The following ADAMTS18 variants were observed in gnomAD, a reference collection of about 807,000 sequenced individuals.
The protein encoded by ADAMTS18 is A disintegrin and metalloproteinase with thrombospondin motifs 18.
Under a neutral mutation model 165.9 loss-of-function variants are expected in ADAMTS18, and 157 were observed. The ratio of observed to expected loss-of-function variants is 0.95; its 90% CI spans 0.83 to 1.08. ADAMTS18 has a LOEUF of 1.08. Ranked by LOEUF, ADAMTS18 falls within the 50% of genes least tolerant of loss-of-function variation. ADAMTS18 has a pLI of 0.00. For missense variants in ADAMTS18, 2,040 were observed against 1,534.0 expected, an observed-to-expected ratio of 1.33 and a Z score of -5.51; for synonymous variants, 782 against 578.2, an observed-to-expected ratio of 1.35 and a Z score of -5.06.
chr16:77,369,386 T>TA (rs2056844572), intron 3 of ADAMTS18, among the ~76,000 whole-genome samples: 1 of 152,224 alleles, frequency 6.6e-6, no homozygotes, highest in Non-Finnish European at 1.5e-5. Context: ...AATTTTGGGT[T>TA]TAGTTTGTTG....
At chr16:77,355,658 A>G (rs1432353408) in intron 9 of ADAMTS18, among the ~76,000 whole-genome samples, 1 of 152,170 alleles carries the variant, frequency 6.6e-6, no homozygotes, top group Non-Finnish European at 1.5e-5. Context: ...TATGCAACAC[A>G]ATTAACCTAA....
chr16:77,410,962 C>T (rs1280405181), intron 3 of ADAMTS18, among the ~76,000 whole-genome samples: 1 of 152,190 alleles, frequency 6.6e-6, no homozygotes, highest in East Asian at 1.9e-4. Flanking sequence ...TGTTTATTCA[C>T]TAGTTTTGGA....
At chr16:77,334,289 T>C (rs62652210) in intron 12 of ADAMTS18, among the ~76,000 whole-genome samples, 608 of 48,676 alleles carry the variant, frequency 0.012, 88 homozygotes, top group Middle Eastern at 0.043. Flanking sequence ...ATATAATATA[T>C]AGTATATATG....
At chr16:77,335,046 A>T (rs1024353242) in intron 12 of ADAMTS18, among the ~76,000 whole-genome samples, 3 of 146,322 alleles carry the variant, frequency 2.1e-5, no homozygotes, top group African/African-American at 5.0e-5. Context: ...AATAGTAATT[A>T]TATATAATGT....
At chr16:77,287,909 A>G (rs1414414337) in intron 22 of ADAMTS18, among the ~76,000 whole-genome samples, 2 of 152,160 alleles carry the variant, frequency 1.3e-5, no homozygotes, top group Non-Finnish European at 1.5e-5. Flanking sequence ...TCTTTTAAGA[A>G]CAGGACCTTT....
chr16:77,297,916 C>CT (rs34422251), intron 17 of ADAMTS18, among the ~76,000 whole-genome samples: 5,691 of 61,586 alleles, frequency 0.092, 1,294 homozygotes, highest in African/African-American at 0.17. Context: ...TCTGCTTTTG[C>CT]TTTTTTTTTT....
intron 10 of ADAMTS18, among the ~76,000 whole-genome samples, chr16:77,348,924 A>G (rs1264583100): frequency 6.6e-6 from 1 of 152,220 alleles, no homozygotes; most frequent in Non-Finnish European, 1.5e-5. Flanking sequence ...GCATACTAGA[A>G]TAACAAACAT....
chr16:77,323,168 G>C (rs1234154076), intron 13 of ADAMTS18, among the ~76,000 whole-genome samples: 3 of 152,118 alleles, frequency 2.0e-5, no homozygotes, highest in African/African-American at 7.2e-5. Context: ...TCAGAAAGGA[G>C]TTCCTATGCC....
intron 10 of ADAMTS18, among the ~76,000 whole-genome samples, chr16:77,353,337 C>T (rs2056583261): frequency 6.6e-6 from 1 of 152,030 alleles, no homozygotes; most frequent in Non-Finnish European, 1.5e-5. Flanking sequence ...TAATAGTTAT[C>T]CCATATTATA....
At chr16:77,381,687 A>G (rs2057033065) in intron 3 of ADAMTS18, among the ~76,000 whole-genome samples, 1 of 152,170 alleles carries the variant, frequency 6.6e-6, no homozygotes. Context: ...CTGTAATCCC[A>G]GCTACTCAGG....
intron 16 of ADAMTS18, among the ~76,000 whole-genome samples, chr16:77,304,409 T>C (rs1268570058): frequency 6.6e-6 from 1 of 152,034 alleles, no homozygotes; most frequent in Non-Finnish European, 1.5e-5. Flanking sequence ...TGCAGTGAGC[T>C]ATAGTCACAC....
At chr16:77,315,314 C>T (rs765464037) in intron 16 of ADAMTS18, among the ~76,000 whole-genome samples, 13 of 152,110 alleles carry the variant, frequency 8.5e-5, no homozygotes, top group Non-Finnish European at 1.9e-4. Flanking sequence ...CAAATGTCAT[C>T]AAGGGAATAA....
At chr16:77,360,151 C>T (rs1045873562) in intron 7 of ADAMTS18, among the ~76,000 whole-genome samples, 1 of 152,172 alleles carries the variant, frequency 6.6e-6, no homozygotes, top group Non-Finnish European at 1.5e-5. Flanking sequence ...ATGGATTGTA[C>T]CCACTTCATT....
chr16:77,372,746 C>T (rs1173275598), intron 3 of ADAMTS18, among the ~76,000 whole-genome samples: 1 of 152,074 alleles, frequency 6.6e-6, no homozygotes, highest in Non-Finnish European at 1.5e-5. Flanking sequence ...TCAGAGAAGC[C>T]CACCCTTCCA....
rs1409453034 is a variant in ADAMTS18, at chr16:77,399,515, T to C, written c.495+31780A>G. On this transcript the variant is annotated intron_variant, in intron 3 of 22. Coordinates refer to ENST00000282849, the MANE Select transcript of ADAMTS18 (RefSeq NM_199355.4). ...CCCTACCCTAGAAGATAAAACTAAG[T>C]GATGTCTTTTGTTTCTTTTCATTAA... Among the ~76,000 whole-genome samples the C allele has an allele frequency of 2.0e-5, 3 of 152,202 alleles. No individual in the cohort carries two copies. In the East Asian group the frequency reaches 5.8e-4, roughly 29 times the overall value.
chr16:77,382,072 G>C (rs1004075619), intron 3 of ADAMTS18, among the ~76,000 whole-genome samples: 1 of 152,102 alleles, frequency 6.6e-6, no homozygotes, highest in Non-Finnish European at 1.5e-5. Flanking sequence ...CCTTGCAACA[G>C]CCGCGCCACA....
At chr16:77,285,315 G>T (rs2055227267) in intron 22 of ADAMTS18, among the ~76,000 whole-genome samples, 1 of 152,142 alleles carries the variant, frequency 6.6e-6, no homozygotes, top group African/African-American at 2.4e-5. Context: ...TGGGATTACA[G>T]GCACCCACCA....
intron 14 of ADAMTS18, among the ~76,000 whole-genome samples, chr16:77,321,891 C>T (rs2056005463): frequency 6.6e-6 from 1 of 151,942 alleles, no homozygotes; most frequent in South Asian, 2.1e-4. Flanking sequence ...CGTGGTGGCT[C>T]ACGCCTATAA....
intron 16 of ADAMTS18, among the ~76,000 whole-genome samples, chr16:77,306,898 A>G (rs2055692100): frequency 6.6e-6 from 1 of 152,162 alleles, no homozygotes; most frequent in African/African-American, 2.4e-5. Flanking sequence ...CTAAAACCTC[A>G]CATCTTCACT....
Sources: allele counts gnomAD v4.1 joint callset (sites outside exome capture counted in the v4.1 genomes callset), GRCh38; gene constraint gnomAD v4.1.1; transcripts MANE v1.5; gene names NCBI Gene and HGNC (gene_info 2026-07-23, HGNC 2026-07-21).